Variants in INKA2 observed in about 807,000 individuals in gnomAD.
INKA2 encodes the protein PAK4-inhibitor INKA2.
Under a neutral mutation model 9.8 loss-of-function variants are expected in INKA2, and 3 were observed. The ratio of observed to expected loss-of-function variants is 0.31; its 90% confidence interval spans 0.14 to 0.79. INKA2 has a LOEUF of 0.79. Among genes scored for constraint, INKA2 ranks in the 30% least tolerant of loss-of-function variants. The pLI is 0.62. For synonymous variants in INKA2, 147 were observed against 143.3 expected (o/e 1.03, Z -0.18); for missense variants, 392 against 384.4 (o/e 1.02, Z -0.17).
At position 111,727,790 on chromosome 1, in the gene INKA2, C is replaced by G; in HGVS notation, c.72G>C (p.Glu24Asp). The G allele has an allele frequency of 6.2e-7, 1 of 1,606,422 alleles. No homozygotes were observed. The change falls in exon 2 of 2, where the codon GAG becomes GAC. Residue 24 changes from glutamate (E) to aspartate (D), a missense_variant. Physicochemically the swap from Glu to Asp is conservative, Grantham distance 45 (BLOSUM62 2). Coordinates refer to ENST00000357260, the MANE Select transcript of INKA2 (RefSeq NM_019099.5). ...TCTGATCCTGTAAGCCATCACCCAC[C>G]TCCTTCATGGACATCTGCAGGGGAG... is the stretch of plus-strand genomic sequence containing the variant. ...RLKQELMSMK[E>D]VGDGLQDQMN...
intron 1 of INKA2, among the ~76,000 whole-genome samples, chr1:111,751,455 A>C (rs1663410539): frequency 6.6e-6 from 1 of 152,054 alleles, no homozygotes; most frequent in African/African-American, 2.4e-5. Context: ...TGGGCTGTCA[A>C]CTCTTTTAGG....
chr1:111,755,116 C>T (rs760223885), intron 1 of INKA2: 6 of 133,482 alleles, frequency 4.5e-5, no homozygotes, highest in East Asian at 4.1e-4. Flanking sequence ...ATTAGGCATC[C>T]CAAGGGAGGT....
At chr1:111,732,041 C>T (rs1292457197) in intron 1 of INKA2, among the ~76,000 whole-genome samples, 2 of 152,176 alleles carry the variant, frequency 1.3e-5, no homozygotes, top group African/African-American at 4.8e-5. Flanking sequence ...AAGAAGGCAG[C>T]TGGGAGAGGG....
chr1:111,726,071 G>A lies in INKA2; in HGVS notation c.*897C>T, dbSNP rs45601735. 23,675 of 398,548 alleles carry A rather than the reference G, an allele frequency of 0.059. 777 individuals are homozygous for A. Among genetic ancestry groups the A allele is most frequent in the Non-Finnish European group, 0.067 (15,116 of 226,080 alleles). 24.7% of individuals were successfully genotyped at this position (398,548 alleles called of 1,614,324 possible). ...CTAAGAACTGTTGGGGAGGAGTGTT[G>A]GTAACTCCAGGGTCCAGCTTCTACT... On this transcript the variant is annotated 3_prime_UTR_variant, in exon 2 of 2. Transcript: ENST00000357260.
rs1300146205 is a variant in INKA2, at chr1:111,745,291, A to ATTTT, written n.124+10409_124+10410insAAAA. Reference sequence around the variant, plus strand: ...TATATATATATATATATATATATATATATTTTTTTTTTTTTTTTTTTTTGA... The same window carrying ATTTT: ...TATATATATATATATATATATATATATTTTTATTTTTTTTTTTTTTTTTTTTTGA... On this transcript the variant is annotated intron_variant and non_coding_transcript_variant, in intron 1 of 1. Coordinates refer to the INKA2 transcript ENST00000444059. The ATTTT allele has an allele frequency of 1.1e-3, 55 of 49,344 alleles. No homozygotes were observed. The East Asian group carries it at 0.013, about 11-fold the overall frequency. The allele number at this position is 49,344 out of a possible 1,614,324, so 3.1% of individuals were successfully genotyped here.
chr1:111,755,417 C>T (rs777760509), intron 1 of INKA2: 1 of 513,148 alleles, frequency 1.9e-6, no homozygotes, highest in South Asian at 2.7e-5. Flanking sequence ...TTGGGTCCAG[C>T]TACGTTCTGC....
At chr1:111,733,908 A>G (rs1662960764) in intron 1 of INKA2, among the ~76,000 whole-genome samples, 1 of 152,098 alleles carries the variant, frequency 6.6e-6, no homozygotes, top group Non-Finnish European at 1.5e-5. Flanking sequence ...AGCTTTGCCC[A>G]TGAGCCTGGC....
chr1:111,726,859 A>C lies in INKA2; in HGVS notation c.*109T>G. The C allele has an allele frequency of 9.0e-7, 1 of 1,106,928 alleles. No individual in the cohort carries two copies. The highest frequency in any genetic ancestry group is 1.3e-6 in the Non-Finnish European group (1 of 762,254). 68.6% of individuals were successfully genotyped at this position (1,106,928 alleles called of 1,614,324 possible). ...TCTCCCCGCTTTCTGGGGGAAAGGA[A>C]CTTGGAGTTGGGCTTTCGAGAGCCA... On this transcript the variant is annotated 3_prime_UTR_variant, in exon 2 of 2. Coordinates refer to ENST00000357260, the MANE Select transcript of INKA2 (RefSeq NM_019099.5).
intron 1 of INKA2, among the ~76,000 whole-genome samples, chr1:111,738,868 C>G (rs1663069566): frequency 6.6e-6 from 1 of 152,230 alleles, no homozygotes; most frequent in Non-Finnish European, 1.5e-5. Context: ...CCACTGCGTC[C>G]GTGTGCCTGG....
intron 1 of INKA2, among the ~76,000 whole-genome samples, chr1:111,730,527 TC>T (rs1662883254): frequency 6.6e-6 from 1 of 152,170 alleles, no homozygotes; most frequent in South Asian, 2.1e-4. Context: ...TCCGTGGCTC[TC>T]CAATGCCCAG....
intron 1 of INKA2, chr1:111,745,285 ATATATATATTTTTT>A (rs1396430639): frequency 2.0e-5 from 1 of 49,180 alleles, no homozygotes; most frequent in African/African-American, 9.6e-5. Flanking sequence ...ATATATATAT[ATATATATATTTTTT>A]TTTTTTTTTT....
At chr1:111,743,193 C>T (rs796637423), upstream of INKA2, among the ~76,000 whole-genome samples, 4 of 152,272 alleles carry the variant, frequency 2.6e-5, no homozygotes, top group African/African-American at 9.6e-5. Context: ...TCCACCCACC[C>T]CCCTCCGAAA....
At position 111,722,435 on chromosome 1, in the gene INKA2, C is replaced by T. The variant is rs948565434; in HGVS notation, c.*4533G>A. 23 of 152,540 alleles carry T rather than the reference C, an allele frequency of 1.5e-4. No homozygotes were observed. The highest frequency in any genetic ancestry group is 1.0e-3 in the South Asian group (5 of 4,844). 9.4% of individuals were successfully genotyped at this position (152,540 alleles called of 1,614,324 possible). A position where few individuals can be genotyped will look rare whatever the true frequency, so the allele number is the denominator to read the frequency against. ...GAGCAGACCAGAGGCTTCTCAAAAC[C>T]ACTAGGACTTGGCACTTTCAACTCT... On this transcript the variant is annotated 3_prime_UTR_variant, in exon 2 of 2. Coordinates refer to ENST00000357260, the MANE Select transcript of INKA2 (RefSeq NM_019099.5).
chr1:111,723,313 C>A lies in INKA2; in HGVS notation c.*3655G>T. The A allele has an allele frequency of 1.9e-6, 1 of 518,358 alleles. No individual in the cohort carries two copies. The highest frequency in any genetic ancestry group is 2.7e-5 in the South Asian group (1 of 37,054). 32.1% of individuals were successfully genotyped at this position (518,358 alleles called of 1,614,324 possible). A position where few individuals can be genotyped will look rare whatever the true frequency, so the allele number is the denominator to read the frequency against. ...ACCTTCTTTGGGGCAAGTTTGGGTT[C>A]AGAGATCACCCTGAGGGGCGGGGCA... On this transcript the variant is annotated 3_prime_UTR_variant, in exon 2 of 2. Transcript: ENST00000357260.
chr1:111,736,889 C>T (rs933422419), intron 1 of INKA2, among the ~76,000 whole-genome samples: 3 of 152,254 alleles, frequency 2.0e-5, no homozygotes, highest in Admixed American at 6.5e-5. Flanking sequence ...TAACTCAGCT[C>T]TACTTTCCCC....
intron 1 of INKA2, among the ~76,000 whole-genome samples, chr1:111,729,526 G>A (rs1198540946): frequency 1.3e-5 from 2 of 152,186 alleles, no homozygotes; most frequent in East Asian, 3.9e-4. Context: ...GGCGGGGTGG[G>A]GGCTGTGTCT....
Position 111,727,692 on chromosome 1 carries a change from A to T in INKA2, c.170T>A (p.Ile57Asn). The stretch of plus-strand genomic sequence containing the variant: ...GCCTGGCACAGGACCCCCTCCAGAG[A>T]TCTCCAGCTGTTCCAGTGCTGTCTG... ...QVQTALEQLE[I>N]SGGGPVPGSP... Residue 57 changes from isoleucine (I) to asparagine (N), a missense_variant, in exon 2 of 2, where the codon ATC becomes AAC. Coordinates refer to ENST00000357260, the MANE Select transcript of INKA2 (RefSeq NM_019099.5). The T allele has an allele frequency of 6.2e-7, 1 of 1,613,470 alleles. No homozygotes were observed.
Position 111,733,171 on chromosome 1 carries a change from G to A in INKA2, c.58-5367C>T, listed in dbSNP as rs929187530. 4.6e-5 allele frequency among the ~76,000 whole-genome samples: 7 copies of A among 152,254 alleles called. No homozygotes were observed. In the East Asian group the frequency reaches 5.8e-4, roughly 13 times the overall value. The stretch of plus-strand genomic sequence containing the variant: ...TTTCACCATATCTACATAGGACCTC[G>A]TCTCCATGAACACATCTCCTATCTG... On this transcript the variant is annotated intron_variant, in intron 1 of 1. Coordinates refer to ENST00000357260, the MANE Select transcript of INKA2 (RefSeq NM_019099.5).
intron 1 of INKA2, among the ~76,000 whole-genome samples, chr1:111,749,744 G>A (rs1663357763): frequency 6.6e-6 from 1 of 152,056 alleles, no homozygotes; most frequent in African/African-American, 2.4e-5. Context: ...CCCATTCAGA[G>A]TTCCCCTCCC....
Sources: allele counts gnomAD v4.1 joint callset (sites outside exome capture counted in the v4.1 genomes callset), GRCh38; gene constraint gnomAD v4.1.1; transcripts MANE v1.5; gene names NCBI Gene and HGNC (gene_info 2026-07-23, HGNC 2026-07-21).